Variants in KLHL5 observed in about 807,000 individuals in gnomAD.
KLHL5 encodes kelch-like protein 5.
KLHL5 carries 48 observed loss-of-function variants against 77.7 expected under a neutral mutation model. That is an observed-to-expected ratio of 0.62 (90% CI 0.49 to 0.79). The LOEUF (loss-of-function observed/expected upper bound fraction) is 0.79, where lower values mean the gene tolerates loss of function less well. Ranked by LOEUF, KLHL5 falls within the 30% of genes least tolerant of loss-of-function variation. The pLI, the probability that KLHL5 is intolerant of heterozygous loss-of-function variation, is 0.00. For synonymous variants in KLHL5, 260 were observed against 297.0 expected, an observed-to-expected ratio of 0.88 and a Z score of 1.28; for missense variants, 723 against 859.7, an observed-to-expected ratio of 0.84 and a Z score of 1.99.
chr4:39,077,113 A>G (rs1719131236), intron 2 of KLHL5, among the ~76,000 whole-genome samples: 1 of 151,778 alleles, frequency 6.6e-6, no homozygotes, highest in African/African-American at 2.4e-5. Flanking sequence ...TGGGCTAAGG[A>G]CATGAATAGA....
chr4:39,085,675 T>C (rs1719976310), intron 4 of KLHL5, among the ~76,000 whole-genome samples: 1 of 152,188 alleles, frequency 6.6e-6, no homozygotes. Context: ...GCATTTTTAT[T>C]TCCCATTTCA....
chr4:39,093,536 C>A (rs1269824020), intron 5 of KLHL5: 6 of 432,066 alleles, frequency 1.4e-5, no homozygotes, highest in African/African-American at 2.0e-5. Context: ...TTGTCAAATA[C>A]AACCCACAGT....
chr4:39,099,533 A>G (rs1023667964), intron 6 of KLHL5, among the ~76,000 whole-genome samples: 4 of 152,008 alleles, frequency 2.6e-5, no homozygotes, highest in African/African-American at 9.7e-5. Flanking sequence ...TTTCAACCCC[A>G]TTGGCCTTTT....
intron 5 of KLHL5, 83 bp downstream of exon 5, chr4:39,086,810 C>T (rs182529829): frequency 1.9e-5 from 19 of 996,810 alleles, no homozygotes; most frequent in Middle Eastern, 2.7e-4. Context: ...TCCTATGAAA[C>T]GTGTAGGTGA....
chr4:39,122,150 T>G lies in KLHL5; in HGVS notation c.*1084T>G, dbSNP rs1171751380. On this transcript the variant is annotated 3_prime_UTR_variant, in exon 11 of 11. Transcript: ENST00000504108. ...GTTATTACTCTCAGTGAATTGTTAT[T>G]GTTTGCAAAAATGCACTGGGCAGTA... The G allele has an allele frequency of 1.3e-5, 2 of 152,612 alleles. No individual in the cohort carries two copies. The highest frequency in any genetic ancestry group is 4.8e-5 in the African/African-American group (2 of 41,474). The allele number at this position is 152,612 out of a possible 1,614,324, so 9.5% of individuals were successfully genotyped here. A position where few individuals can be genotyped will look rare whatever the true frequency, so the allele number is the denominator to read the frequency against.
At chr4:39,115,755 C>A in intron 10 of KLHL5, 1 of 1,090,312 alleles carries the variant, frequency 9.2e-7, no homozygotes, top group Non-Finnish European at 1.1e-6. Flanking sequence ...AGATTAAAGT[C>A]CTGATAACCT....
chr4:39,134,399 G>C, the KLHL5 span, among the ~76,000 whole-genome samples: 5 of 152,216 alleles, frequency 3.3e-5, no homozygotes, highest in Admixed American at 6.5e-5. Flanking sequence ...ACAGCTGTAT[G>C]AAGTAGATAT....
intron 1 of KLHL5, among the ~76,000 whole-genome samples, chr4:39,074,720 G>GT (rs1718841774): frequency 6.6e-6 from 1 of 152,000 alleles, no homozygotes; most frequent in Non-Finnish European, 1.5e-5. Flanking sequence ...AAGAAATATG[G>GT]TGACTTTTTT....
chr4:39,142,652 A>T, the KLHL5 span, among the ~76,000 whole-genome samples: 1 of 148,828 alleles, frequency 6.7e-6, no homozygotes, highest in African/African-American at 2.6e-5. Context: ...GGAACTACCC[A>T]AATGTCCTGT....
At position 39,113,083 on chromosome 4, in the gene KLHL5, T is replaced by A. The variant is rs1290412879; in HGVS notation, c.1752T>A (p.Pro584=). 3 of 1,613,946 alleles carry A rather than the reference T, an allele frequency of 1.9e-6. No individual in the cohort carries two copies. The highest frequency in any genetic ancestry group is 2.5e-6 in the Non-Finnish European group (3 of 1,179,992). The change falls in exon 9 of 11, where the codon CCT becomes CCA. Residue 584 remains proline (P), a synonymous_variant. Transcript: ENST00000504108. ...TCAAATCAGTAGAATGTTTTGATCCTCATACTAATAAGTGGACACTGTGTG... is the reference window on the plus strand; with the variant it reads ...TCAAATCAGTAGAATGTTTTGATCCACATACTAATAAGTGGACACTGTGTG... ...SCLKSVECFD[P]HTNKWTLCAQ... is the part of the protein sequence containing the mutation.
chr4:39,130,865 C>A (rs1449393508), downstream of KLHL5, among the ~76,000 whole-genome samples: 1 of 151,200 alleles, frequency 6.6e-6, no homozygotes, highest in Non-Finnish European at 1.5e-5. Flanking sequence ...TCTTTTGAGA[C>A]AAGGTCTCAC....
In KLHL5 at chr4:39,062,695, A is replaced by C. The variant is rs753384088; in HGVS notation, c.43A>C (p.Lys15Gln). ...RKEFDVKQIL[K>Q]IRWRWFGHQA... Reference sequence around the variant, plus strand: ...AGAGTTTGATGTGAAACAGATTTTGAAAATCAGATGGAGGTGGTTTGGTCA... The same window carrying C: ...AGAGTTTGATGTGAAACAGATTTTGCAAATCAGATGGAGGTGGTTTGGTCA... Residue 15 changes from lysine (K) to glutamine (Q), a missense_variant, in exon 1 of 11, where the codon AAA (lysine) becomes CAA (glutamine). Coordinates refer to ENST00000504108, the MANE Select transcript of KLHL5 (RefSeq NM_015990.5). 6.2e-7 allele frequency: 1 copy of C among 1,614,154 alleles called. No individual in the cohort carries two copies. The highest frequency in any genetic ancestry group is 1.1e-5 in the South Asian group (1 of 91,082).
At chr4:39,101,877 T>TATATACAC (rs769434754) in intron 6 of KLHL5, among the ~76,000 whole-genome samples, 1 of 108,526 alleles carries the variant, frequency 9.2e-6, no homozygotes, top group African/African-American at 3.3e-5. Flanking sequence ...TATATATATA[T>TATATACAC]ACACACACAC....
At chr4:39,074,693 T>TA (rs140572531) in intron 1 of KLHL5, among the ~76,000 whole-genome samples, 4,340 of 152,328 alleles carry the variant, frequency 0.028, 178 homozygotes, top group African/African-American at 0.098. Context: ...TAGCTTAAGT[T>TA]CCTTTACTTT....
rs1717510892 is a variant in KLHL5 at position 39,062,539 on chromosome 4, CAT to C, written c.-111_-110del. Reference sequence around the variant, plus strand: ...TATGAATGTGATTTATTTTCCTTTACATATTTTTGTTGTGTACAGCAGGGCAT... The same window carrying C: ...TATGAATGTGATTTATTTTCCTTTACATTTTTGTTGTGTACAGCAGGGCAT... On this transcript the variant is annotated 5_prime_UTR_variant, in exon 1 of 11. Transcript: ENST00000504108. 6.2e-7 allele frequency: 1 copy of C among 1,610,354 alleles called. No individual in the cohort carries two copies. Among genetic ancestry groups the C allele is most frequent in the African/African-American group, 1.3e-5 (1 of 74,756 alleles).
intron 1 of KLHL5, chr4:39,045,141 G>A (rs1435120492): frequency 1.0e-6 from 1 of 984,202 alleles, no homozygotes; most frequent in African/African-American, 1.8e-5. Flanking sequence ...GGCCGCCTCG[G>A]GCAGGGCCCG....
rs62296107 is a variant in KLHL5 at position 39,065,514 on chromosome 4, C to T, written c.383+2479C>T. Among the ~76,000 whole-genome samples, 8 of 151,962 alleles carry T rather than the reference C, an allele frequency of 5.3e-5. No individual in the cohort carries two copies. The East Asian group carries it at 5.8e-4, about 11-fold the overall frequency. The stretch of plus-strand genomic sequence containing the variant: ...GACTACAGACATGTGCCACCACTCC[C>T]GGCTAATTTTTGTATTTTTAGTAGA... On this transcript the variant is annotated intron_variant, in intron 1 of 10. Transcript: ENST00000504108.
rs1458604797 is a variant in KLHL5 at position 39,118,710 on chromosome 4, C to CA, written c.2074-2299dup. ...GGCAGAGGTTGCAGTAAGCCAAGAT[C>CA]ACGCCATTGCACTCCAACCTGGGTG... On this transcript the variant is annotated intron_variant, in intron 10 of 10. Transcript: ENST00000504108. Among the ~76,000 whole-genome samples the CA allele has an allele frequency of 5.9e-5, 9 of 151,916 alleles. No individual in the cohort carries two copies. The South Asian group carries it at 1.0e-3, about 18-fold the overall frequency.
chr4:39,098,595 G>T (rs1426340387), intron 6 of KLHL5, among the ~76,000 whole-genome samples: 1 of 150,656 alleles, frequency 6.6e-6, no homozygotes, highest in African/African-American at 2.4e-5. Context: ...ATGGAGTCTC[G>T]CTCTATCACC....
Sources: gnomAD v4.1 joint callset for allele counts (sites outside exome capture counted in the v4.1 genomes callset) on GRCh38, gnomAD v4.1.1 for gene constraint, MANE v1.5 for transcripts, NCBI Gene and HGNC (gene_info 2026-07-23, HGNC 2026-07-21) for gene names.